The following NDUFA10 variants were observed in gnomAD, a reference collection of about 807,000 sequenced individuals.
NDUFA10 encodes the protein NADH dehydrogenase [ubiquinone] 1 alpha subcomplex subunit 10, mitochondrial.
In NDUFA10, 40 loss-of-function variants were observed where a neutral mutation model predicts 47.8. The observed-to-expected ratio is 0.84, with a 90% CI of 0.65 to 1.09. The LOEUF (loss-of-function observed/expected upper bound fraction) is 1.09. Ranked by LOEUF, NDUFA10 falls within the 50% of genes least tolerant of loss-of-function variation. The probability of loss-of-function intolerance (pLI) is 0.00; values close to 1 mark genes in which losing one functional copy is unlikely to be tolerated. For synonymous variants in NDUFA10, 183 were observed against 172.2 expected (o/e 1.06, Z -0.49); for missense variants, 413 against 451.1 (o/e 0.92, Z 0.76).
At chr2:240,014,554 C>G (rs1697258231) in intron 5 of NDUFA10, 185 bp downstream of exon 5, 21 of 909,560 alleles carry the variant, frequency 2.3e-5, no homozygotes, top group Non-Finnish European at 3.4e-5. Context: ...GCTGTGGCAC[C>G]AGGCCGAGCC....
In NDUFA10 at chr2:239,960,991, T is replaced by A; in HGVS notation, c.*127A>T. On this transcript the variant is annotated 3_prime_UTR_variant, in exon 10 of 10. Transcript: ENST00000252711. ...GATGGATTGCTTTTTGTGAGACCCC[T>A]TCTTCCACTGTGCAATTTTTGCATT... The A allele has an allele frequency of 6.5e-7, 1 of 1,547,952 alleles. No individual in the cohort carries two copies. The highest frequency in any genetic ancestry group is 8.7e-7 in the Non-Finnish European group (1 of 1,146,654).
At chr2:239,976,725 G>T (rs1695539005) in intron 9 of NDUFA10, 1 of 152,264 alleles carries the variant, frequency 6.6e-6, no homozygotes, top group Non-Finnish European at 1.5e-5. Context: ...GTACTGAAGA[G>T]TGACAAGGAG....
At chr2:239,970,197 A>G (rs1695253404) in intron 9 of NDUFA10, among the ~76,000 whole-genome samples, 1 of 152,248 alleles carries the variant, frequency 6.6e-6, no homozygotes, top group Non-Finnish European at 1.5e-5. Context: ...GCTAGGAAGA[A>G]CTGCAGTCTT....
intron 8 of NDUFA10, among the ~76,000 whole-genome samples, chr2:239,995,421 GA>G (rs1296113188): frequency 6.6e-6 from 1 of 152,166 alleles, no homozygotes; most frequent in African/African-American, 2.4e-5. Flanking sequence ...ATGTATACTG[GA>G]AACTCCACAG....
intron 9 of NDUFA10, among the ~76,000 whole-genome samples, chr2:239,978,462 C>G (rs1365990740): frequency 6.6e-6 from 1 of 152,158 alleles, no homozygotes; most frequent in Non-Finnish European, 1.5e-5. Context: ...TGGCCTGCCT[C>G]CTAATACTCT....
intron 4 of NDUFA10, among the ~76,000 whole-genome samples, chr2:239,910,130 G>T (rs1229169068): frequency 2.6e-5 from 4 of 152,198 alleles, no homozygotes; most frequent in Admixed American, 1.3e-4. Context: ...ATGTAAATTA[G>T]TTCAACCATT....
intron 4 of NDUFA10, among the ~76,000 whole-genome samples, chr2:239,941,005 C>G (rs1158807784): frequency 6.6e-6 from 1 of 152,178 alleles, no homozygotes; most frequent in African/African-American, 2.4e-5. Flanking sequence ...GTTCTTCCTG[C>G]AGCACTGCAG....
chr2:240,018,745 C>A, intron 3 of NDUFA10, 106 bp from the exon 4 acceptor site: 2 of 1,214,490 alleles, frequency 1.6e-6, no homozygotes, highest in South Asian at 1.3e-5. Flanking sequence ...ATTTACAATT[C>A]CATTTCCACA....
Position 240,018,651 on chromosome 2 carries a change from T to G in NDUFA10, c.461-12A>C. On this transcript the variant is annotated splice_polypyrimidine_tract_variant and intron_variant, in intron 3 of 9. Coordinates refer to ENST00000252711, the MANE Select transcript of NDUFA10 (RefSeq NM_004544.4). ...CACAACACCTTGTCCTGTTTAAACA[T>G]AGGCAAACAGAAATTGAAAATCAGA... The G allele has an allele frequency of 6.2e-7, 1 of 1,613,456 alleles. No individual in the cohort carries two copies. Among genetic ancestry groups the G allele is most frequent in the Non-Finnish European group, 8.5e-7 (1 of 1,179,482 alleles).
intron 9 of NDUFA10, among the ~76,000 whole-genome samples, chr2:239,961,448 T>C (rs1272747639): frequency 6.6e-6 from 1 of 152,080 alleles, no homozygotes; most frequent in East Asian, 1.9e-4. Context: ...GTGTTCTCAT[T>C]AATGTCAGGA....
chr2:239,979,332 G>C (rs4149552), intron 9 of NDUFA10, among the ~76,000 whole-genome samples: 110,670 of 150,438 alleles, frequency 0.74, 40,857 homozygotes, highest in African/African-American at 0.79. Context: ...TGGCTGAACT[G>C]GCTCCACCCC....
intron 4 of NDUFA10, among the ~76,000 whole-genome samples, chr2:239,946,280 C>T (rs538992585): frequency 3.3e-5 from 5 of 152,338 alleles, no homozygotes; most frequent in African/African-American, 9.6e-5. Context: ...CATACCACAG[C>T]TCCGGCCCCA....
chr2:239,946,130 C>T (rs1020835837), intron 4 of NDUFA10, among the ~76,000 whole-genome samples: 7 of 152,198 alleles, frequency 4.6e-5, no homozygotes, highest in African/African-American at 1.7e-4. Flanking sequence ...GCTCCAGTGA[C>T]TTCTCGAAGT....
rs150253083 is a variant in NDUFA10 at position 240,021,442 on chromosome 2, G to A, written c.245-30C>T. 1.8e-5 allele frequency: 28 copies of A among 1,592,108 alleles called. No individual in the cohort carries two copies. The African/African-American group carries it at 3.6e-4, about 21-fold the overall frequency. Reference sequence around the variant, plus strand: ...AAAGAGAAACAGTCGGATGCAGTCTGATGCACATCACTCACTCCCCGCAGG... The same window carrying A: ...AAAGAGAAACAGTCGGATGCAGTCTAATGCACATCACTCACTCCCCGCAGG... On this transcript the variant is annotated intron_variant, in intron 2 of 9. Coordinates refer to ENST00000252711, the MANE Select transcript of NDUFA10 (RefSeq NM_004544.4).
intron 6 of NDUFA10, 147 bp downstream of exon 6, chr2:240,011,470 T>C: frequency 1.4e-6 from 1 of 698,994 alleles, no homozygotes; most frequent in South Asian, 1.6e-5. Context: ...ATGTCTCCTG[T>C]TTTTCTTATT....
intron 4 of NDUFA10, chr2:240,017,726 T>C (rs1291776222): frequency 5.7e-6 from 6 of 1,054,482 alleles, no homozygotes; most frequent in Admixed American, 2.0e-5. Flanking sequence ...TGCAGTGCTC[T>C]TGCGGGCGGC....
chr2:239,945,230 G>A lies in NDUFA10; in HGVS notation c.294+44844C>T, dbSNP rs1367919149. On this transcript the variant is annotated intron_variant, in intron 4 of 5. Coordinates refer to the NDUFA10 transcript ENST00000419408. The surrounding 1 kb of genome is among the most constrained non-coding windows in gnomAD (Gnocchi z 4.6). ...GTCACCGGCAGGCGTTGAGCAGGCC[G>A]CTCTGCAGACGCTGGGCTCCTTCAT... is the stretch of plus-strand genomic sequence containing the variant. Among the ~76,000 whole-genome samples the A allele has an allele frequency of 1.3e-5, 2 of 152,196 alleles. No homozygotes were observed. The highest frequency in any genetic ancestry group is 2.9e-5 in the Non-Finnish European group (2 of 68,038).
intron 6 of NDUFA10, 27 bp from the exon 7 acceptor site, chr2:240,007,397 A>T (rs1383769836): frequency 6.0e-6 from 9 of 1,501,374 alleles, no homozygotes; most frequent in Non-Finnish European, 7.4e-6. Flanking sequence ...GATGAAATTC[A>T]GTGTAAACTT....
At chr2:240,007,248 G>C (rs1420140421) in intron 7 of NDUFA10, 68 bp downstream of exon 7, 1 of 1,209,512 alleles carries the variant, frequency 8.3e-7, no homozygotes, top group Non-Finnish European at 1.2e-6. Context: ...CTGACGATCT[G>C]ATTTGCAAGA....
Sources: allele counts gnomAD v4.1 joint callset (sites outside exome capture counted in the v4.1 genomes callset), GRCh38; gene constraint gnomAD v4.1.1; non-coding constraint Gnocchi (gnomAD v3.1); transcripts MANE v1.5; gene names NCBI Gene and HGNC (gene_info 2026-07-23, HGNC 2026-07-21).